The following DLGAP1 variants were observed in gnomAD, a reference collection of about 807,000 sequenced individuals.
The protein encoded by DLGAP1 is DLG associated protein 1.
In DLGAP1, 11 loss-of-function variants were observed where a neutral mutation model predicts 90.8. That is an observed-to-expected ratio of 0.12 (90% CI 0.08 to 0.20). The LOEUF (loss-of-function observed/expected upper bound fraction) is 0.20, where lower values mean the gene tolerates loss of function less well. Among genes scored for constraint, DLGAP1 ranks in the 10% least tolerant of loss-of-function variants. The pLI is 1.00. For synonymous variants in DLGAP1, 558 were observed against 540.7 expected (o/e 1.03, Z -0.44); for missense variants, 1,050 against 1,333.8 (o/e 0.79, Z 3.31).
intron 5 of DLGAP1, among the ~76,000 whole-genome samples, chr18:3,782,273 A>C (rs1851254689): frequency 6.6e-6 from 1 of 151,664 alleles, no homozygotes; most frequent in African/African-American, 2.4e-5. Context: ...AGTAGCTGGG[A>C]TTACAGGTAC....
chr18:3,624,325 C>A (rs979196802), intron 7 of DLGAP1, among the ~76,000 whole-genome samples: 1 of 152,210 alleles, frequency 6.6e-6, no homozygotes, highest in Non-Finnish European at 1.5e-5. Context: ...TGCCGCTGAG[C>A]ACAGGCAGGG....
chr18:4,356,084 C>T (rs893461859), intron 1 of DLGAP1, among the ~76,000 whole-genome samples: 11 of 151,818 alleles, frequency 7.2e-5, no homozygotes, highest in African/African-American at 1.2e-4. Context: ...GGCCCAATAC[C>T]GCCTTGACAG....
chr18:4,234,671 T>C (rs28490386), intron 1 of DLGAP1, among the ~76,000 whole-genome samples: 579 of 152,318 alleles, frequency 3.8e-3, no homozygotes, highest in African/African-American at 0.012. Flanking sequence ...AGCAAATATA[T>C]ACCACTAGAA....
chr18:3,763,353 T>C (rs2064060847), intron 5 of DLGAP1, among the ~76,000 whole-genome samples: 1 of 152,352 alleles, frequency 6.6e-6, no homozygotes, highest in African/African-American at 2.4e-5. Context: ...TCGGCTTCCC[T>C]ACTTTTAAGA....
At chr18:3,991,883 G>T (rs1235501693) in intron 3 of DLGAP1, among the ~76,000 whole-genome samples, 2 of 152,080 alleles carry the variant, frequency 1.3e-5, no homozygotes, top group Non-Finnish European at 2.9e-5. Flanking sequence ...GCCTTGACAC[G>T]CTTTCTTTAT....
At chr18:3,701,838 T>G (rs1408506622) in intron 7 of DLGAP1, among the ~76,000 whole-genome samples, 1 of 152,042 alleles carries the variant, frequency 6.6e-6, no homozygotes, top group African/African-American at 2.4e-5. Flanking sequence ...TAGAGAGAGA[T>G]AAGACAAGAT....
In DLGAP1 at chr18:4,087,096, T is replaced by TAC. The variant is rs1467334325; in HGVS notation, c.-159+64083_-159+64084insGT. ...ATATATACATATATGTATATATGTA[T>TAC]ATATGTGCTATATATATATACACAC... On this transcript the variant is annotated intron_variant, in intron 2 of 12. Transcript: ENST00000315677. 8.1e-4 allele frequency among the ~76,000 whole-genome samples: 77 copies of TAC among 94,960 alleles called. 1 individual carries two copies. The highest frequency in any genetic ancestry group is 2.0e-3 in the South Asian group (7 of 3,432). 62.3% of individuals were successfully genotyped at this position (94,960 alleles called of 152,430 possible).
intron 1 of DLGAP1, among the ~76,000 whole-genome samples, chr18:4,313,438 G>A (rs1262395878): frequency 1.3e-5 from 2 of 152,066 alleles, no homozygotes; most frequent in East Asian, 3.9e-4. Context: ...CATGAGGGGA[G>A]TGCAACCTGG....
intron 12 of DLGAP1, among the ~76,000 whole-genome samples, chr18:3,501,587 G>A (rs1048033537): frequency 3.3e-5 from 5 of 152,316 alleles, no homozygotes; most frequent in African/African-American, 1.2e-4. Context: ...AACATGATAT[G>A]CGGTAGCAGA....
At chr18:4,116,720 C>T (rs908946322) in intron 2 of DLGAP1, among the ~76,000 whole-genome samples, 4 of 152,146 alleles carry the variant, frequency 2.6e-5, no homozygotes, top group Non-Finnish European at 4.4e-5. Flanking sequence ...TTCTCTTTTA[C>T]TGGCATTTTC....
At chr18:3,987,349 C>T (rs1042211072) in intron 3 of DLGAP1, among the ~76,000 whole-genome samples, 2 of 152,088 alleles carry the variant, frequency 1.3e-5, no homozygotes, top group South Asian at 2.1e-4. Flanking sequence ...CTGAATTTTG[C>T]TACCAAAAAA....
chr18:4,045,382 C>T (rs1439664280), intron 2 of DLGAP1, among the ~76,000 whole-genome samples: 1 of 122,952 alleles, frequency 8.1e-6, no homozygotes, highest in Admixed American at 1.1e-4. Context: ...ATTTGCATTT[C>T]TTGGAAATAG....
intron 3 of DLGAP1, among the ~76,000 whole-genome samples, chr18:3,988,920 GT>G (rs1004759607): frequency 2.0e-5 from 3 of 152,220 alleles, no homozygotes; most frequent in Admixed American, 6.5e-5. Context: ...CCTGACTGCC[GT>G]GGCTTAACTG....
intron 2 of DLGAP1, among the ~76,000 whole-genome samples, chr18:4,033,440 T>G (rs903345024): frequency 2.0e-5 from 3 of 152,186 alleles, no homozygotes; most frequent in African/African-American, 4.8e-5. Context: ...CATTTATGTG[T>G]TACCAAGGCT....
At chr18:4,292,661 A>T (rs2079880649) in intron 1 of DLGAP1, among the ~76,000 whole-genome samples, 1 of 152,186 alleles carries the variant, frequency 6.6e-6, no homozygotes, top group Admixed American at 6.5e-5. Context: ...ATTTCCAGGA[A>T]TGTGGCTTGA....
chr18:3,617,642 A>G (rs1344035326), intron 7 of DLGAP1, among the ~76,000 whole-genome samples: 1 of 151,082 alleles, frequency 6.6e-6, no homozygotes, highest in African/African-American at 2.4e-5. Flanking sequence ...ACATGAAGTG[A>G]GCACATGCTG....
chr18:3,606,282 C>T (rs1213409752), intron 7 of DLGAP1, among the ~76,000 whole-genome samples: 1 of 152,102 alleles, frequency 6.6e-6, no homozygotes, highest in Non-Finnish European at 1.5e-5. Context: ...AACTGGGCCC[C>T]GCTTCTTAGA....
intron 4 of DLGAP1, chr18:3,874,275 C>A: frequency 6.5e-7 from 1 of 1,549,308 alleles, no homozygotes; most frequent in South Asian, 1.2e-5. Context: ...CCTTCTCGGT[C>A]TGTCTTGCTC....
intron 1 of DLGAP1, among the ~76,000 whole-genome samples, chr18:4,373,602 A>G (rs1481288900): frequency 6.6e-6 from 1 of 152,174 alleles, no homozygotes; most frequent in Non-Finnish European, 1.5e-5. Flanking sequence ...GAACAATCAC[A>G]CAATCTGGTG....
Sources: gnomAD v4.1 joint callset for allele counts (sites outside exome capture counted in the v4.1 genomes callset) on GRCh38, gnomAD v4.1.1 for gene constraint, MANE v1.5 for transcripts, NCBI Gene and HGNC (gene_info 2026-07-23, HGNC 2026-07-21) for gene names.